Variants in CACNA1D observed in about 807,000 individuals in gnomAD.
CACNA1D encodes voltage-dependent L-type calcium channel subunit alpha-1D.
Under a neutral mutation model 257.1 loss-of-function variants are expected in CACNA1D, and 55 were observed. The observed-to-expected ratio is 0.21, with a 90% CI of 0.17 to 0.27. The LOEUF is 0.27. CACNA1D is among the 10% of genes least tolerant of loss of function. CACNA1D has a pLI of 1.00. For synonymous variants in CACNA1D, 980 were observed against 1,014.9 expected (o/e 0.97, Z 0.65); for missense variants, 1,876 against 2,784.0 (o/e 0.67, Z 7.34).
At chr3:53,718,244 C>T (rs2094841355) in intron 9 of CACNA1D, 57 bp from the exon 10 acceptor site, 1 of 1,487,730 alleles carries the variant, frequency 6.7e-7, no homozygotes, top group Non-Finnish European at 9.4e-7. Context: ...ACCTGGCCTG[C>T]CTCCCAGGCG....
chr3:53,507,894 A>G (rs1347871032), intron 3 of CACNA1D, among the ~76,000 whole-genome samples: 1 of 152,180 alleles, frequency 6.6e-6, no homozygotes, highest in East Asian at 1.9e-4. Context: ...TAGCTGAAAA[A>G]AAAGTGCGTA....
At chr3:53,526,523 A>G (rs1039069665) in intron 3 of CACNA1D, among the ~76,000 whole-genome samples, 1 of 152,268 alleles carries the variant, frequency 6.6e-6, no homozygotes, top group Non-Finnish European at 1.5e-5. Context: ...AACTTATTTC[A>G]GGTAAGCATT....
chr3:53,638,924 G>A (rs1433589411), intron 3 of CACNA1D, among the ~76,000 whole-genome samples: 1 of 152,196 alleles, frequency 6.6e-6, no homozygotes, highest in Non-Finnish European at 1.5e-5. Flanking sequence ...GAGCAGCTGA[G>A]GTCATACTTA....
In CACNA1D at chr3:53,745,669, A is replaced by G; in HGVS notation, c.3052A>G (p.Ile1018Val). 5.0e-6 allele frequency: 8 copies of G among 1,614,168 alleles called. No individual in the cohort carries two copies. Among genetic ancestry groups the G allele is most frequent in the Non-Finnish European group, 6.8e-6 (8 of 1,180,012 alleles). ...VFVAIRTIGN[I>V]MIVTTLLQFM... ...CGTGGCCATCCGGACCATCGGCAACATCATGATCGTCACCACCCTCCTGCA... is the reference window on the plus strand; with the variant it reads ...CGTGGCCATCCGGACCATCGGCAACGTCATGATCGTCACCACCCTCCTGCA... Residue 1018 changes from isoleucine (I) to valine (V), a missense_variant, in exon 24 of 48, where the codon ATC becomes GTC. This residue lies in a region of CACNA1D where 271 missense variants were observed against 425.5 expected (regional missense o/e 0.64). Coordinates refer to ENST00000350061, the MANE Select transcript of CACNA1D (RefSeq NM_001128840.3).
chr3:53,712,231 AG>A (rs1339102623), intron 9 of CACNA1D, among the ~76,000 whole-genome samples: 1 of 152,220 alleles, frequency 6.6e-6, no homozygotes, highest in East Asian at 1.9e-4. Context: ...GAGAGGAAGC[AG>A]GCTGACACAT....
chr3:53,724,640 T>C (rs1035155814), intron 14 of CACNA1D, among the ~76,000 whole-genome samples: 3 of 152,188 alleles, frequency 2.0e-5, no homozygotes, highest in African/African-American at 7.2e-5. Context: ...TACGCTGAGG[T>C]GCTCAAAACC....
intron 3 of CACNA1D, among the ~76,000 whole-genome samples, chr3:53,570,256 A>G (rs896241988): frequency 6.6e-6 from 1 of 152,210 alleles, no homozygotes; most frequent in South Asian, 2.1e-4. Flanking sequence ...TTAGGAATGG[A>G]ATGCTCTGGA....
At chr3:53,781,812 C>A in intron 39 of CACNA1D, 145 bp downstream of exon 39, 1 of 699,788 alleles carries the variant, frequency 1.4e-6, no homozygotes, top group East Asian at 2.7e-5. Flanking sequence ...AGCCCTTTGG[C>A]CATTTGGTGT....
chr3:53,721,622 A>G (rs897489136), intron 11 of CACNA1D, among the ~76,000 whole-genome samples: 1 of 152,188 alleles, frequency 6.6e-6, no homozygotes, highest in Non-Finnish European at 1.5e-5. Flanking sequence ...GGCTGAGCTC[A>G]TTTTATTTTT....
At chr3:53,685,256 A>G (rs1389251368) in intron 8 of CACNA1D, among the ~76,000 whole-genome samples, 1 of 152,212 alleles carries the variant, frequency 6.6e-6, no homozygotes, top group African/African-American at 2.4e-5. Flanking sequence ...AAAAAGGTCA[A>G]TTCACTGAGA....
intron 3 of CACNA1D, among the ~76,000 whole-genome samples, chr3:53,600,629 TATTATAATGTATTTC>T: frequency 6.6e-6 from 1 of 152,320 alleles, no homozygotes; most frequent in African/African-American, 2.4e-5. Context: ...TTAATCTGCT[TATTATAATGTATTTC>T]ATAACTTTCT....
intron 31 of CACNA1D, 45 bp from the exon 32 acceptor site, chr3:53,770,379 G>A (rs773970840): frequency 6.3e-6 from 10 of 1,599,332 alleles, no homozygotes; most frequent in Non-Finnish European, 5.1e-6. Context: ...AGTGTTGCAT[G>A]TTCTACTTTC....
intron 45 of CACNA1D, chr3:53,808,382 C>T: frequency 2.4e-6 from 1 of 419,044 alleles, no homozygotes; most frequent in Non-Finnish European, 4.5e-6. Context: ...CCACTGCACT[C>T]CAGCCTGGGC....
intron 9 of CACNA1D, among the ~76,000 whole-genome samples, chr3:53,713,543 TGA>T (rs58018190): frequency 0.065 from 7,905 of 120,818 alleles, 241 homozygotes; most frequent in Non-Finnish European, 0.084. Context: ...TGTGTGTGTG[TGA>T]GAGATTTGCC....
intron 8 of CACNA1D, among the ~76,000 whole-genome samples, chr3:53,700,600 A>C (rs1299386004): frequency 6.6e-6 from 1 of 152,142 alleles, no homozygotes; most frequent in African/African-American, 2.4e-5. Context: ...GGTACATGTG[A>C]ATGGCGAGAC....
chr3:53,725,871 T>A (rs2094930193), intron 14 of CACNA1D, among the ~76,000 whole-genome samples: 1 of 152,248 alleles, frequency 6.6e-6, no homozygotes, highest in Non-Finnish European at 1.5e-5. Context: ...ATAGCATTTT[T>A]TTCATTACTG....
chr3:53,682,396 A>C (rs942593996), intron 8 of CACNA1D, among the ~76,000 whole-genome samples: 3 of 131,846 alleles, frequency 2.3e-5, no homozygotes, highest in Non-Finnish European at 3.3e-5. Context: ...AAAAAAAAAA[A>C]CAGAAGTCTT....
At position 53,812,489 on chromosome 3, in the gene CACNA1D, T is replaced by C. The variant is rs1345626924; in HGVS notation, c.*1083T>C. 1 of 152,244 alleles carries C rather than the reference T, an allele frequency of 6.6e-6. No homozygotes were observed. The highest frequency in any genetic ancestry group is 6.5e-5 in the Admixed American group (1 of 15,286). 9.4% of individuals were successfully genotyped at this position (152,244 alleles called of 1,614,324 possible). A position where few individuals can be genotyped will look rare whatever the true frequency, so the allele number is the denominator to read the frequency against. On this transcript the variant is annotated 3_prime_UTR_variant, in exon 48 of 48. Transcript: ENST00000350061. ...TATACCAGATGACTATTTGCAGTCT[T>C]TTCTTTGGGCAAGAGTTCCATGATT...
chr3:53,602,174 C>CT (rs571041402), intron 3 of CACNA1D, among the ~76,000 whole-genome samples: 43 of 152,208 alleles, frequency 2.8e-4, no homozygotes, highest in Non-Finnish European at 5.0e-4. Flanking sequence ...ATGAGAGCCA[C>CT]TTTTTTAGCT....
Sources: gnomAD v4.1 joint callset for allele counts (sites outside exome capture counted in the v4.1 genomes callset) on GRCh38, gnomAD v4.1.1 for gene constraint, gnomAD v4.1.1 regional missense constraint, MANE v1.5 for transcripts, NCBI Gene and HGNC (gene_info 2026-07-23, HGNC 2026-07-21) for gene names.